The following PRC1 variants were observed in gnomAD, a reference collection of about 807,000 sequenced individuals.
PRC1 encodes the protein anaphase spindle elongation 1 homolog.
Under a neutral mutation model 91.2 loss-of-function variants are expected in PRC1, and 54 were observed. The observed-to-expected ratio is 0.59, with a 90% CI of 0.48 to 0.74. The LOEUF is 0.74. Among genes scored for constraint, PRC1 ranks in the 30% least tolerant of loss-of-function variants. PRC1 has a pLI of 0.00. For synonymous variants in PRC1, 275 were observed against 263.6 expected (o/e 1.04, Z -0.42); for missense variants, 727 against 746.2 (o/e 0.97, Z 0.30).
chr15:90,967,099 G>A lies in PRC1; in HGVS notation c.*32C>T, dbSNP rs764551544. Reference sequence around the variant, plus strand: ...ATAATTAGGTCCAGTCTAGGCACAGGAAGCCACAGCTGGTTGACTGATCAG... The same window carrying A: ...ATAATTAGGTCCAGTCTAGGCACAGAAAGCCACAGCTGGTTGACTGATCAG... On this transcript the variant is annotated 3_prime_UTR_variant, in exon 15 of 15. Transcript: ENST00000394249. 16 of 1,590,434 alleles carry A rather than the reference G, an allele frequency of 1.0e-5. No individual in the cohort carries two copies. In the Admixed American group the frequency reaches 2.7e-4, roughly 27 times the overall value.
At chr15:90,987,380 G>C (rs1353843079) in intron 1 of PRC1, among the ~76,000 whole-genome samples, 1 of 152,074 alleles carries the variant, frequency 6.6e-6, no homozygotes, top group Non-Finnish European at 1.5e-5. Context: ...AGGGCTTCTG[G>C]GTTGCTGCTT....
Position 90,974,174 on chromosome 15 carries a change from G to A in PRC1, c.1423C>T (p.Arg475Ter), listed in dbSNP as rs372671624. ...GSAPRTPSKR[R>*]GLAPNTPGKA... ...CCCGGTGTATTGGGAGCCAGTCCTCGCCGCTTGCTAGGTGTTCGAGGAGCG... is the reference window on the plus strand; with the variant it reads ...CCCGGTGTATTGGGAGCCAGTCCTCACCGCTTGCTAGGTGTTCGAGGAGCG... Residue 475 changes from arginine (R) to a stop codon, truncating the protein, a stop_gained, in exon 11 of 15, where the codon CGA becomes TGA. Coordinates refer to ENST00000394249, the MANE Select transcript of PRC1 (RefSeq NM_003981.4). LOFTEE classifies it high-confidence loss of function. This position sits in a 1 kb window ranked among gnomAD's most constrained non-coding sequence, Gnocchi z 4.6. 6.2e-7 allele frequency: 1 copy of A among 1,614,136 alleles called. No individual in the cohort carries two copies. Among genetic ancestry groups the A allele is most frequent in the Non-Finnish European group, 8.5e-7 (1 of 1,180,018 alleles).
Position 90,979,345 on chromosome 15 carries a change from T to C in PRC1, c.971-51A>G, listed in dbSNP as rs748361496. 12 of 1,558,310 alleles carry C rather than the reference T, an allele frequency of 7.7e-6. No homozygotes were observed. The African/African-American group carries it at 1.7e-4, about 21-fold the overall frequency. On this transcript the variant is annotated intron_variant, in intron 7 of 14. Coordinates refer to ENST00000394249, the MANE Select transcript of PRC1 (RefSeq NM_003981.4). ...AAAACAATTCCTCTAGTATTTAGTATCCAATTTTACGAATCCCCGATTCCC... is the reference window on the plus strand; with the variant it reads ...AAAACAATTCCTCTAGTATTTAGTACCCAATTTTACGAATCCCCGATTCCC...
At chr15:90,968,087 G>A (rs72759305) in intron 14 of PRC1, 3 of 985,320 alleles carry the variant, frequency 3.0e-6, no homozygotes, top group African/African-American at 3.5e-5. Context: ...CTGCCTGGTG[G>A]AGTCTATCAG....
At chr15:90,983,867 G>T in intron 3 of PRC1, 151 bp downstream of exon 3, 2 of 1,027,930 alleles carry the variant, frequency 1.9e-6, no homozygotes, top group Non-Finnish European at 2.7e-6. Flanking sequence ...ACTCTGCTGG[G>T]CCTAATTAAC....
rs555573290 is a variant in PRC1, at chr15:90,990,164, C to T, written c.11+4243G>A. Among the ~76,000 whole-genome samples, 812 of 151,834 alleles carry T rather than the reference C, an allele frequency of 5.3e-3. 9 individuals carry two copies. The highest frequency in any genetic ancestry group is 0.019 in the African/African-American group (793 of 41,392). The stretch of plus-strand genomic sequence containing the variant: ...CAGCCTGGCCAATATGGTGAAACCC[C>T]GTCTCTACTAAAAATACAAAAATTA... On this transcript the variant is annotated intron_variant, in intron 1 of 14. Coordinates refer to ENST00000394249, the MANE Select transcript of PRC1 (RefSeq NM_003981.4).
Position 90,980,133 on chromosome 15 carries a change from A to T in PRC1, c.970+109T>A, listed in dbSNP as rs2039061095. The T allele has an allele frequency of 8.1e-6, 11 of 1,364,802 alleles. No homozygotes were observed. The South Asian group carries it at 2.0e-4, about 25-fold the overall frequency. The allele number at this position is 1,364,802 out of a possible 1,614,324, so 84.5% of individuals were successfully genotyped here. On this transcript the variant is annotated intron_variant, in intron 7 of 14. Coordinates refer to ENST00000394249, the MANE Select transcript of PRC1 (RefSeq NM_003981.4). Reference sequence around the variant, plus strand: ...GGGTGTGGTGGCCCAACACTTTGGGAGGCCAAGTTGGGAGGATTGTTTGAG... The same window carrying T: ...GGGTGTGGTGGCCCAACACTTTGGGTGGCCAAGTTGGGAGGATTGTTTGAG...
chr15:90,994,525 C>G lies in PRC1; in HGVS notation c.-108G>C, dbSNP rs1596341897. 7.1e-7 allele frequency: 1 copy of G among 1,401,636 alleles called. No individual in the cohort carries two copies. The allele number at this position is 1,401,636 out of a possible 1,614,324, so 86.8% of individuals were successfully genotyped here. A position where few individuals can be genotyped will look rare whatever the true frequency, so the allele number is the denominator to read the frequency against. On this transcript the variant is annotated 5_prime_UTR_variant, in exon 1 of 15. Coordinates refer to ENST00000394249, the MANE Select transcript of PRC1 (RefSeq NM_003981.4). ...GCGATGTCACTCCGCGTAGCCGCTC[C>G]GCGAGCCGTTGAGCCCCGCAAAATT...
chr15:90,989,125 A>G (rs751381181), intron 1 of PRC1, among the ~76,000 whole-genome samples: 9 of 152,108 alleles, frequency 5.9e-5, no homozygotes, highest in Admixed American at 5.9e-4. Flanking sequence ...ACAGGATGGT[A>G]TAATAAAAAA....
intron 7 of PRC1, 120 bp from the exon 8 acceptor site, chr15:90,979,414 A>T (rs975559808): frequency 8.5e-7 from 1 of 1,179,418 alleles, no homozygotes; most frequent in Non-Finnish European, 1.2e-6. Context: ...CTGATACAGG[A>T]AGAGGCGTGT....
intron 1 of PRC1, among the ~76,000 whole-genome samples, chr15:90,986,775 T>C (rs1027980781): frequency 1.1e-4 from 17 of 152,118 alleles, no homozygotes; most frequent in African/African-American, 3.6e-4. Flanking sequence ...CAGTATACAA[T>C]TGAAACTACC....
At chr15:90,971,572 G>A (rs2151440823) in intron 11 of PRC1, among the ~76,000 whole-genome samples, 1 of 148,386 alleles carries the variant, frequency 6.7e-6, no homozygotes, top group Middle Eastern at 3.5e-3. Flanking sequence ...TTGAGCCACT[G>A]TACCCAGCCA....
chr15:90,970,643 G>A, intron 11 of PRC1, 129 bp from the exon 12 acceptor site: 1 of 660,704 alleles, frequency 1.5e-6, no homozygotes, highest in South Asian at 1.8e-5. Context: ...CATGGTGAAG[G>A]GCCTGCTGTG....
Position 90,994,341 on chromosome 15 carries a change from C to A in PRC1, c.11+66G>T, listed in dbSNP as rs2040169464. Reference sequence around the variant, plus strand: ...CCCGCACGGGTCCCGCACCCCTGAACAGGCCCCGCAGCCGAAACGAGCGTC... The same window carrying A: ...CCCGCACGGGTCCCGCACCCCTGAAAAGGCCCCGCAGCCGAAACGAGCGTC... On this transcript the variant is annotated intron_variant, in intron 1 of 14. Transcript: ENST00000394249. 5.6e-6 allele frequency: 9 copies of A among 1,611,090 alleles called. No homozygotes were observed. The South Asian group carries it at 8.8e-5, about 16-fold the overall frequency.
Position 90,974,645 on chromosome 15 carries a change from C to T in PRC1, c.1290G>A (p.Glu430=). The change falls in exon 10 of 15, where the codon GAG becomes GAA. Residue 430 remains glutamate (E), a synonymous_variant. Transcript: ENST00000394249. This position sits in a 1 kb window ranked among gnomAD's most constrained non-coding sequence, Gnocchi z 4.6. ...GCATCTCCCATTGTTCTGCCACATA[C>T]TCCATGAATTTCTGCCCATTCACCA... ...AFMVNGQKFM[E]YVAEQWEMHR... The T allele has an allele frequency of 6.2e-7, 1 of 1,614,226 alleles. No individual in the cohort carries two copies. Among genetic ancestry groups the T allele is most frequent in the Non-Finnish European group, 8.5e-7 (1 of 1,180,040 alleles).
At chr15:90,978,884 A>G (rs2038961699) in intron 8 of PRC1, among the ~76,000 whole-genome samples, 1 of 151,528 alleles carries the variant, frequency 6.6e-6, no homozygotes, top group South Asian at 2.1e-4. Context: ...GGTCCTGCTC[A>G]CTGTGCAGAT....
chr15:90,994,501 C>T lies in PRC1; in HGVS notation c.-84G>A. 6.6e-7 allele frequency: 1 copy of T among 1,516,096 alleles called. No individual in the cohort carries two copies. Among genetic ancestry groups the T allele is most frequent in the Non-Finnish European group, 8.9e-7 (1 of 1,123,740 alleles). 93.9% of individuals were successfully genotyped at this position (1,516,096 alleles called of 1,614,324 possible). A position where few individuals can be genotyped will look rare whatever the true frequency, so the allele number is the denominator to read the frequency against. ...AGCAACAACCACCCGCAAACACCGG[C>T]GATGTCACTCCGCGTAGCCGCTCCG... On this transcript the variant is annotated 5_prime_UTR_variant, in exon 1 of 15. Transcript: ENST00000394249.
chr15:90,984,136 A>C lies in PRC1; in HGVS notation c.149T>G (p.Leu50Arg), dbSNP rs758540098. 1.9e-6 allele frequency: 3 copies of C among 1,613,990 alleles called. No individual in the cohort carries two copies. In the East Asian group the frequency reaches 6.7e-5, roughly 36 times the overall value. The change falls in exon 3 of 15, where the codon CTC becomes CGC. Residue 50 changes from leucine (L) to arginine (R), a missense_variant. Transcript: ENST00000394249. This position sits in a 1 kb window ranked among gnomAD's most constrained non-coding sequence, Gnocchi z 5.1. Reference protein sequence around the residue: ...TEVVKKHIKELLDMMIAEEES... With the variant: ...TEVVKKHIKERLDMMIAEEES... ...CTCTTCAGCAATCATCATATCCAGG[A>C]GTTCCTACAAGAGGGAAAACAGTCC...
intron 7 of PRC1, 22 bp from the exon 8 acceptor site, chr15:90,979,316 G>C: frequency 6.3e-7 from 1 of 1,593,794 alleles, no homozygotes; most frequent in Non-Finnish European, 8.5e-7. Context: ...AGGCCCAGTA[G>C]TTTAAAACAA....
Sources: allele counts gnomAD v4.1 joint callset (sites outside exome capture counted in the v4.1 genomes callset), GRCh38; gene constraint gnomAD v4.1.1; non-coding constraint Gnocchi (gnomAD v3.1); transcripts MANE v1.5; gene names NCBI Gene and HGNC (gene_info 2026-07-23, HGNC 2026-07-21).